Variants in UGT8 observed in about 807,000 individuals in gnomAD.
The protein encoded by UGT8 is UDP glycosyltransferase 8, also known as 2-hydroxyacylsphingosine 1-beta-galactosyltransferase.
A neutral mutation model predicts 40.5 loss-of-function variants in UGT8; 12 were observed. The observed-to-expected ratio is 0.30, with a 90% CI of 0.19 to 0.48. UGT8 has a LOEUF of 0.48. Ranked by LOEUF, UGT8 falls within the 20% of genes least tolerant of loss-of-function variation. The probability of loss-of-function intolerance (pLI) is 0.99; values close to 1 mark genes in which losing one functional copy is unlikely to be tolerated. For missense variants in UGT8, 513 were observed against 648.7 expected (o/e 0.79, Z 2.27); for synonymous variants, 224 against 240.4 (o/e 0.93, Z 0.63).
At chr4:114,629,213 G>GTAC (rs1732428986) in intron 2 of UGT8, among the ~76,000 whole-genome samples, 1 of 152,144 alleles carries the variant, frequency 6.6e-6, no homozygotes, top group Non-Finnish European at 1.5e-5. Flanking sequence ...CTATATAGTA[G>GTAC]TACTATGCTA....
intron 2 of UGT8, among the ~76,000 whole-genome samples, chr4:114,636,909 A>G (rs1331542654): frequency 6.6e-6 from 1 of 152,178 alleles, no homozygotes; most frequent in Non-Finnish European, 1.5e-5. Flanking sequence ...CCTCAGATAC[A>G]CTTAGCTGCA....
At chr4:114,654,006 C>T (rs186021734) in intron 2 of UGT8, among the ~76,000 whole-genome samples, 11 of 152,124 alleles carry the variant, frequency 7.2e-5, no homozygotes, top group East Asian at 3.9e-4. Context: ...ATCTGCACTG[C>T]GCTCTGTCTT....
intron 1 of UGT8, among the ~76,000 whole-genome samples, chr4:114,612,903 C>T (rs1731177148): frequency 1.3e-5 from 2 of 152,040 alleles, no homozygotes; most frequent in South Asian, 4.1e-4. Context: ...TTTTTCTTTT[C>T]ATTTTGTTTC....
intron 1 of UGT8, among the ~76,000 whole-genome samples, chr4:114,602,825 G>A (rs1285811242): frequency 6.6e-6 from 1 of 152,176 alleles, no homozygotes; most frequent in African/African-American, 2.4e-5. Context: ...GGAGGCAGGA[G>A]CAAGATCATG....
At chr4:114,651,169 C>A (rs7679454) in intron 2 of UGT8, among the ~76,000 whole-genome samples, 8 of 152,146 alleles carry the variant, frequency 5.3e-5, no homozygotes, top group African/African-American at 1.7e-4. Context: ...TAGCTGTTAA[C>A]TTAGCGGGGA....
Position 114,656,028 on chromosome 4 carries a change from G to A in UGT8, c.823-7967G>A, listed in dbSNP as rs371785971. Among the ~76,000 whole-genome samples, 32 of 152,230 alleles carry A rather than the reference G, an allele frequency of 2.1e-4. No individual in the cohort carries two copies. In the East Asian group the frequency reaches 3.1e-3, roughly 15 times the overall value. ...GGATTCAGGTTTTGCATCCTTACAG[G>A]AATATCACAGAAGGGATGCTATATT... On this transcript the variant is annotated intron_variant, in intron 2 of 5. Transcript: ENST00000310836.
chr4:114,661,877 AT>A (rs1734562448), intron 2 of UGT8, among the ~76,000 whole-genome samples: 1 of 152,182 alleles, frequency 6.6e-6, no homozygotes, highest in Admixed American at 6.5e-5. Context: ...AGTAAAGGCT[AT>A]ATATGGTGCT....
At chr4:114,649,102 G>GCCCC (rs1208725946) in intron 2 of UGT8, among the ~76,000 whole-genome samples, 48 of 152,254 alleles carry the variant, frequency 3.2e-4, no homozygotes, top group African/African-American at 1.1e-3. Context: ...GATAATATTG[G>GCCCC]ATAGCATATT....
intron 2 of UGT8, among the ~76,000 whole-genome samples, chr4:114,632,976 C>T (rs1337389076): frequency 6.6e-6 from 1 of 152,200 alleles, no homozygotes; most frequent in Non-Finnish European, 1.5e-5. Context: ...TTGGGGCTAA[C>T]TAAATTCCTT....
chr4:114,634,779 C>G (rs181017026), intron 2 of UGT8, among the ~76,000 whole-genome samples: 134 of 152,254 alleles, frequency 8.8e-4, no homozygotes, highest in Non-Finnish European at 9.6e-4. Context: ...TTTTTTATCA[C>G]TAAATTGTGA....
chr4:114,615,645 C>CCATACAGACCATAATT (rs1165696823), intron 1 of UGT8, among the ~76,000 whole-genome samples: 1 of 152,146 alleles, frequency 6.6e-6, no homozygotes, highest in East Asian at 1.9e-4. Flanking sequence ...TATAATTCTG[C>CCATACAGACCATAATT]CTGTATGGTC....
intron 1 of UGT8, among the ~76,000 whole-genome samples, chr4:114,617,473 T>C (rs775117423): frequency 1.4e-4 from 22 of 151,970 alleles, no homozygotes; most frequent in Non-Finnish European, 1.2e-4. Flanking sequence ...TAATTTTTAA[T>C]AGAAAGAAAA....
At chr4:114,667,300 A>G (rs1041213591) in intron 4 of UGT8, among the ~76,000 whole-genome samples, 1 of 152,150 alleles carries the variant, frequency 6.6e-6, no homozygotes, top group Non-Finnish European at 1.5e-5. Context: ...GGCCAATAAC[A>G]TATATCCTAA....
At position 114,619,784 on chromosome 4, in the gene UGT8, A is replaced by G. The variant is rs572683829; in HGVS notation, c.-2-3095A>G. 4.6e-5 allele frequency among the ~76,000 whole-genome samples: 7 copies of G among 152,084 alleles called. No individual in the cohort carries two copies. In the East Asian group the frequency reaches 1.3e-3, roughly 29 times the overall value. ...ATCCTCTCCTGCACTAAATGAAATC[A>G]GGAGAATACTTAGGGAAGTGAAATA... On this transcript the variant is annotated intron_variant, in intron 1 of 5. Transcript: ENST00000310836.
intron 1 of UGT8, among the ~76,000 whole-genome samples, chr4:114,617,323 T>A (rs905740719): frequency 3.9e-5 from 6 of 152,224 alleles, no homozygotes; most frequent in African/African-American, 1.4e-4. Context: ...ACGTTTTGGA[T>A]GTGCACCCCA....
chr4:114,616,898 A>G (rs1731476299), intron 1 of UGT8, among the ~76,000 whole-genome samples: 1 of 152,162 alleles, frequency 6.6e-6, no homozygotes, highest in Admixed American at 6.5e-5. Context: ...AACCATTGAT[A>G]CCTAGGCACA....
At position 114,623,714 on chromosome 4, in the gene UGT8, C is replaced by T. The variant is rs747108051; in HGVS notation, c.822+12C>T. On this transcript the variant is annotated intron_variant, in intron 2 of 5. Coordinates refer to ENST00000310836, the MANE Select transcript of UGT8 (RefSeq NM_001128174.3). Reference sequence around the variant, plus strand: ...GCCCACTACCAGAAGTAAGGTTTGCCGAATTCCTTGGTAATTCTTTTTTAA... The same window carrying T: ...GCCCACTACCAGAAGTAAGGTTTGCTGAATTCCTTGGTAATTCTTTTTTAA... The T allele has an allele frequency of 5.7e-6, 9 of 1,565,636 alleles. No individual in the cohort carries two copies. The Admixed American group carries it at 6.0e-5, about 10-fold the overall frequency.
intron 4 of UGT8, among the ~76,000 whole-genome samples, chr4:114,666,329 G>A (rs939135366): frequency 2.6e-5 from 4 of 152,040 alleles, no homozygotes; most frequent in African/African-American, 9.7e-5. Context: ...TGGGGATTTT[G>A]ATTCTCAAAA....
intron 1 of UGT8, among the ~76,000 whole-genome samples, chr4:114,620,348 T>A (rs1284125858): frequency 6.6e-6 from 1 of 152,210 alleles, no homozygotes; most frequent in Non-Finnish European, 1.5e-5. Flanking sequence ...AATACCTACC[T>A]GTTTTGGCAT....
Sources: allele counts gnomAD v4.1 joint callset (sites outside exome capture counted in the v4.1 genomes callset), GRCh38; gene constraint gnomAD v4.1.1; transcripts MANE v1.5; gene names NCBI Gene and HGNC (gene_info 2026-07-23, HGNC 2026-07-21).